The following DCAF6 variants were observed in gnomAD, a reference collection of about 807,000 sequenced individuals.
DCAF6 encodes DDB1- and CUL4-associated factor 6.
Under a neutral mutation model 125.1 loss-of-function variants are expected in DCAF6, and 54 were observed. The ratio of observed to expected loss-of-function variants is 0.43; its 90% confidence interval spans 0.35 to 0.54. DCAF6 has a LOEUF of 0.54. Among genes scored for constraint, DCAF6 ranks in the 20% least tolerant of loss-of-function variants. DCAF6 has a pLI of 0.01. For missense variants in DCAF6, 934 were observed against 1,161.7 expected, an observed-to-expected ratio of 0.80 and a Z score of 2.85; for synonymous variants, 371 against 390.4, an observed-to-expected ratio of 0.95 and a Z score of 0.58.
the DCAF6 span, among the ~76,000 whole-genome samples, chr1:167,889,414 G>C: frequency 5.0e-5 from 7 of 140,420 alleles, no homozygotes; most frequent in African/African-American, 1.8e-4. Flanking sequence ...TTGCATCCCT[G>C]GGATAAATCC....
At position 168,004,639 on chromosome 1, in the gene DCAF6, T is replaced by C. The variant is rs1301209269; in HGVS notation, c.1224T>C (p.Phe408=). Residue 408 remains phenylalanine, a synonymous_variant, in exon 10 of 22, where the codon TTT becomes TTC. Transcript: ENST00000367840. ...AAGTAGATACTCCAGCTGAACAATTTCTTCAGCCTTCTACATCCTCTACAA... is the reference window on the plus strand; with the variant it reads ...AAGTAGATACTCCAGCTGAACAATTCCTTCAGCCTTCTACATCCTCTACAA... ...AMEVDTPAEQ[F]LQPSTSSTMS... is the part of the protein sequence containing the mutation. 1 of 1,613,776 alleles carries C rather than the reference T, an allele frequency of 6.2e-7. No individual in the cohort carries two copies. Among genetic ancestry groups the C allele is most frequent in the Non-Finnish European group, 8.5e-7 (1 of 1,179,870 alleles).
Position 168,063,703 on chromosome 1 carries a change from A to G in DCAF6, c.2383A>G (p.Ile795Val), listed in dbSNP as rs752296176. 1 of 1,605,612 alleles carries G rather than the reference A, an allele frequency of 6.2e-7. No homozygotes were observed. Among genetic ancestry groups the G allele is most frequent in the Admixed American group, 1.7e-5 (1 of 58,424 alleles). Residue 795 changes from isoleucine (I) to valine (V), a missense_variant, in exon 18 of 22, where the codon ATT becomes GTT. By Grantham distance (29) the Ile-to-Val change is conservative (BLOSUM62 3). Coordinates refer to ENST00000367840, the MANE Select transcript of DCAF6 (RefSeq NM_001198956.2). ...AATGGAAGAATTGGATACTTTGAACATTAGAAGGCCGCTAGTAAAAATGGT... is the reference window on the plus strand; with the variant it reads ...AATGGAAGAATTGGATACTTTGAACGTTAGAAGGCCGCTAGTAAAAATGGT... ...KEMEELDTLN[I>V]RRPLVKMVYK...
In DCAF6 at chr1:167,968,901, C is replaced by A. The variant is rs891259015; in HGVS notation, c.252+2180C>A. ...AGAGGAAATAATTTGATAAGTGGCACAGTAGTCTTACCTTTATCTGCTTCT... is the reference window on the plus strand; with the variant it reads ...AGAGGAAATAATTTGATAAGTGGCAAAGTAGTCTTACCTTTATCTGCTTCT... On this transcript the variant is annotated intron_variant, in intron 3 of 21. Coordinates refer to ENST00000367840, the MANE Select transcript of DCAF6 (RefSeq NM_001198956.2). 3.9e-5 allele frequency among the ~76,000 whole-genome samples: 6 copies of A among 152,270 alleles called. No individual in the cohort carries two copies. In the East Asian group the frequency reaches 1.2e-3, roughly 29 times the overall value.
the DCAF6 span, chr1:167,904,922 A>AGCTCTGCATGTGAATTCCCAC: frequency 6.2e-7 from 1 of 1,608,254 alleles, no homozygotes; most frequent in Non-Finnish European, 8.5e-7. Flanking sequence ...TCTGCAATCA[A>AGCTCTGCATGTGAATTCCCAC]GCTCTGCATG....
intron 1 of DCAF6, among the ~76,000 whole-genome samples, chr1:167,950,706 C>G (rs1206868137): frequency 6.6e-6 from 1 of 152,178 alleles, no homozygotes; most frequent in Non-Finnish European, 1.5e-5. Flanking sequence ...AGCCTGATTA[C>G]TTAATTATTG....
chr1:167,880,352 G>T, the DCAF6 span: 1 of 952,568 alleles, frequency 1.0e-6, no homozygotes, highest in Non-Finnish European at 1.7e-6. Flanking sequence ...GCCCGGAGAT[G>T]CGAAGGAGGA....
chr1:167,919,382 A>T, the DCAF6 span, among the ~76,000 whole-genome samples: 1 of 152,196 alleles, frequency 6.6e-6, no homozygotes, highest in East Asian at 1.9e-4. Context: ...CATGAAGCCA[A>T]CCATACCTCC....
chr1:168,064,218 A>G, intron 18 of DCAF6, among the ~76,000 whole-genome samples: 1 of 151,964 alleles, frequency 6.6e-6, no homozygotes, highest in East Asian at 1.9e-4. Flanking sequence ...GACAAGTGAA[A>G]ATTTGTTTTA....
the DCAF6 span, among the ~76,000 whole-genome samples, chr1:167,912,978 T>A: frequency 6.6e-6 from 1 of 152,218 alleles, no homozygotes; most frequent in African/African-American, 2.4e-5. Flanking sequence ...TCATGCTATA[T>A]CCCATTTGTA....
chr1:167,994,073 ATAAT>A (rs1338482083), intron 7 of DCAF6, among the ~76,000 whole-genome samples: 3 of 151,942 alleles, frequency 2.0e-5, no homozygotes, highest in Admixed American at 6.6e-5. Context: ...AATTTGTGTT[ATAAT>A]TAATAGTAAA....
intron 16 of DCAF6, among the ~76,000 whole-genome samples, chr1:168,049,428 G>GTTT (rs1239526601): frequency 1.5e-5 from 1 of 67,420 alleles, no homozygotes; most frequent in African/African-American, 6.3e-5. Context: ...TGTTGTTGTT[G>GTTT]TTGTTTTTTT....
At chr1:167,871,177 TTA>T in the DCAF6 span, among the ~76,000 whole-genome samples, 1 of 152,146 alleles carries the variant, frequency 6.6e-6, no homozygotes, top group Non-Finnish European at 1.5e-5. Context: ...CATTAAACAA[TTA>T]TGGATAAAAT....
chr1:167,908,091 C>G, the DCAF6 span, among the ~76,000 whole-genome samples: 16 of 152,278 alleles, frequency 1.1e-4, no homozygotes, highest in East Asian at 1.7e-3. Flanking sequence ...AAATCAGTAT[C>G]CCTGCACTCC....
At chr1:167,930,704 T>G in the DCAF6 span, among the ~76,000 whole-genome samples, 1 of 152,240 alleles carries the variant, frequency 6.6e-6, no homozygotes, top group Non-Finnish European at 1.5e-5. Context: ...GAGCAACGAC[T>G]AGAACACAGT....
At chr1:167,925,448 T>TATATATATATATAC in the DCAF6 span, among the ~76,000 whole-genome samples, 1 of 103,250 alleles carries the variant, frequency 9.7e-6, no homozygotes, top group South Asian at 2.9e-4. Context: ...TACACATATA[T>TATATATATATATAC]ATATATATAT....
chr1:167,957,642 T>A (rs143397385), intron 2 of DCAF6, among the ~76,000 whole-genome samples: 15 of 152,268 alleles, frequency 9.9e-5, no homozygotes, highest in Middle Eastern at 3.4e-3. Flanking sequence ...CTTGGCTGTA[T>A]ACCTAGTTGC....
chr1:167,914,035 G>C, the DCAF6 span: 1 of 152,340 alleles, frequency 6.6e-6, no homozygotes, highest in African/African-American at 2.4e-5. Context: ...GGTCTTTTAA[G>C]ACTGCAGAAG....
rs1389925587 is a variant in DCAF6, at chr1:168,004,695, C to T, written c.1280C>T (p.Pro427Leu). Reference sequence around the variant, plus strand: ...GCTCAGGCTCATTCGACATCATCTCCCACAGAAAGCCCTCATTCTACTCCT... The same window carrying T: ...GCTCAGGCTCATTCGACATCATCTCTCACAGAAAGCCCTCATTCTACTCCT... ...MSAQAHSTSS[P>L]TESPHSTPLL... The change falls in exon 10 of 22, where the codon CCC (proline) becomes CTC (leucine). Residue 427 changes from proline to leucine, a missense_variant. Pro to Leu is a moderately conservative substitution (Grantham distance 98). Coordinates refer to ENST00000367840, the MANE Select transcript of DCAF6 (RefSeq NM_001198956.2). 1.2e-6 allele frequency: 2 copies of T among 1,614,022 alleles called. No homozygotes were observed. The highest frequency in any genetic ancestry group is 2.2e-5 in the East Asian group (1 of 44,880).
At chr1:167,884,903 A>G in the DCAF6 span, among the ~76,000 whole-genome samples, 7 of 151,962 alleles carry the variant, frequency 4.6e-5, no homozygotes, top group African/African-American at 1.4e-4. Context: ...TCACTGTGTT[A>G]GTCAGACTGG....
Sources: allele counts gnomAD v4.1 joint callset (sites outside exome capture counted in the v4.1 genomes callset), GRCh38; gene constraint gnomAD v4.1.1; transcripts MANE v1.5; gene names NCBI Gene and HGNC (gene_info 2026-07-23, HGNC 2026-07-21).